JARID2: variants seen among roughly 807,000 people sequenced by gnomAD.
JARID2 encodes jumonji and AT-rich interaction domain containing 2.
JARID2 carries 21 observed loss-of-function variants against 125.6 expected under a neutral mutation model. The ratio of observed to expected loss-of-function variants is 0.17; its 90% CI spans 0.12 to 0.24. The LOEUF (loss-of-function observed/expected upper bound fraction) is 0.24. JARID2 is among the 10% of genes least tolerant of loss of function. The pLI is 1.00. For missense variants in JARID2, 1,303 were observed against 1,639.6 expected (o/e 0.79, Z 3.55); for synonymous variants, 736 against 661.6 (o/e 1.11, Z -1.73).
At chr6:15,316,471 G>T (rs1762183108) in intron 1 of JARID2, among the ~76,000 whole-genome samples, 2 of 152,158 alleles carry the variant, frequency 1.3e-5, no homozygotes. Flanking sequence ...ATCATTGTGA[G>T]GTTTGTGGCT....
At chr6:15,513,105 C>A in intron 15 of JARID2, 60 bp downstream of exon 15, 2 of 1,605,750 alleles carry the variant, frequency 1.2e-6, no homozygotes, top group Non-Finnish European at 8.5e-7. Context: ...CGGGGGCTCA[C>A]CCCCCGAGCA....
chr6:15,307,854 C>A (rs1761889282), intron 1 of JARID2, among the ~76,000 whole-genome samples: 1 of 152,206 alleles, frequency 6.6e-6, no homozygotes, highest in African/African-American at 2.4e-5. Flanking sequence ...TTGCAGAGTT[C>A]ATTCTCATGC....
intron 1 of JARID2, among the ~76,000 whole-genome samples, chr6:15,349,425 G>A (rs530589146): frequency 2.0e-5 from 3 of 152,270 alleles, no homozygotes; most frequent in African/African-American, 7.2e-5. Context: ...TGACTTGGAC[G>A]TTTTCAGAAG....
At position 15,501,427 on chromosome 6, in the gene JARID2, G is replaced by T; in HGVS notation, c.2448+18G>T. On this transcript the variant is annotated intron_variant, in intron 8 of 17. Transcript: ENST00000341776. ...TCTATAAGGTAGGGGCCTCCGCAGA[G>T]CAGCCACTCCCAGCTGCAGGAGTGC... 6.6e-7 allele frequency: 1 copy of T among 1,516,142 alleles called. No individual in the cohort carries two copies. Among genetic ancestry groups the T allele is most frequent in the Non-Finnish European group, 8.8e-7 (1 of 1,135,482 alleles). The allele number at this position is 1,516,142 out of a possible 1,614,324, so 93.9% of individuals were successfully genotyped here.
intron 1 of JARID2, among the ~76,000 whole-genome samples, chr6:15,328,056 C>A (rs1762590289): frequency 3.3e-5 from 5 of 152,108 alleles, no homozygotes; most frequent in Non-Finnish European, 7.3e-5. Flanking sequence ...AGGCCCAGGA[C>A]ATGTAGCTGT....
intron 3 of JARID2, among the ~76,000 whole-genome samples, chr6:15,410,626 G>A (rs1411242812): frequency 6.6e-6 from 1 of 152,228 alleles, no homozygotes; most frequent in Non-Finnish European, 1.5e-5. Flanking sequence ...TTGCCAGCTT[G>A]TAATGCCTGT....
At chr6:15,345,825 T>TC (rs763972521) in intron 1 of JARID2, among the ~76,000 whole-genome samples, 16 of 152,180 alleles carry the variant, frequency 1.1e-4, no homozygotes, top group Non-Finnish European at 1.5e-5. Context: ...TGTTACTGGG[T>TC]CATTGAGCCT....
intron 3 of JARID2, among the ~76,000 whole-genome samples, chr6:15,422,579 C>T (rs1766546759): frequency 6.6e-6 from 1 of 152,178 alleles, no homozygotes; most frequent in African/African-American, 2.4e-5. Flanking sequence ...TTCCCTGCAG[C>T]AAAAACCCTT....
chr6:15,488,754 G>C (rs182693023), intron 6 of JARID2, among the ~76,000 whole-genome samples: 4 of 152,130 alleles, frequency 2.6e-5, no homozygotes, highest in South Asian at 2.1e-4. Context: ...ATGCAGTTGG[G>C]GGGGTGGGCA....
chr6:15,515,483 A>G (rs1771500895), intron 16 of JARID2, among the ~76,000 whole-genome samples: 1 of 152,144 alleles, frequency 6.6e-6, no homozygotes, highest in South Asian at 2.1e-4. Context: ...TGTCAGCCTG[A>G]AAGTTATTTT....
chr6:15,489,026 G>A (rs1770018980), intron 6 of JARID2, among the ~76,000 whole-genome samples: 1 of 152,188 alleles, frequency 6.6e-6, no homozygotes, highest in Non-Finnish European at 1.5e-5. Flanking sequence ...TCCCAATGCT[G>A]TTGGTCTGAT....
chr6:15,293,643 T>TGACCTCCTAA (rs1761305737), intron 1 of JARID2, among the ~76,000 whole-genome samples: 1 of 152,238 alleles, frequency 6.6e-6, no homozygotes, highest in Admixed American at 6.5e-5. Flanking sequence ...CAGGCAGACT[T>TGACCTCCTAA]GACCTCTCTT....
At chr6:15,289,951 G>A (rs778991595) in intron 1 of JARID2, among the ~76,000 whole-genome samples, 1 of 152,198 alleles carries the variant, frequency 6.6e-6, no homozygotes, top group Non-Finnish European at 1.5e-5. Flanking sequence ...TTGTCTTCAT[G>A]GAAAGAAGGA....
At chr6:15,357,224 T>A (rs183540455) in intron 1 of JARID2, among the ~76,000 whole-genome samples, 1 of 152,324 alleles carries the variant, frequency 6.6e-6, no homozygotes, top group African/African-American at 2.4e-5. Context: ...CTTCATGAAG[T>A]ACGCTGAATA....
At chr6:15,433,657 A>C (rs571559704) in intron 3 of JARID2, among the ~76,000 whole-genome samples, 1 of 152,160 alleles carries the variant, frequency 6.6e-6, no homozygotes, top group African/African-American at 2.4e-5. Context: ...GTTGCAATAC[A>C]TGGTGCTTCC....
chr6:15,246,307 G>C lies in JARID2; in HGVS notation c.-233G>C. Reference sequence around the variant, plus strand: ...TTTCCATTATGAGTGTTTTACTAAAGTGAATTTTTTTTTGTTTGCTTCGTT... The same window carrying C: ...TTTCCATTATGAGTGTTTTACTAAACTGAATTTTTTTTTGTTTGCTTCGTT... On this transcript the variant is annotated 5_prime_UTR_variant, in exon 1 of 18. Coordinates refer to ENST00000341776, the MANE Select transcript of JARID2 (RefSeq NM_004973.4). The C allele has an allele frequency of 1.8e-6, 1 of 557,440 alleles. No individual in the cohort carries two copies. The highest frequency in any genetic ancestry group is 2.2e-5 in the South Asian group (1 of 45,052). The allele number at this position is 557,440 out of a possible 1,614,324, so 34.5% of individuals were successfully genotyped here.
chr6:15,358,923 A>G (rs528017730), intron 1 of JARID2, among the ~76,000 whole-genome samples: 1 of 152,326 alleles, frequency 6.6e-6, no homozygotes, highest in East Asian at 1.9e-4. Context: ...CCATACCCCA[A>G]CCAGTTAAGT....
At chr6:15,291,431 A>G (rs1761210353) in intron 1 of JARID2, among the ~76,000 whole-genome samples, 1 of 152,196 alleles carries the variant, frequency 6.6e-6, no homozygotes, top group Non-Finnish European at 1.5e-5. Flanking sequence ...TTAGGGGCAC[A>G]ATCTGTTTTC....
In JARID2 at chr6:15,520,345, C is replaced by A; in HGVS notation, c.*94C>A. The A allele has an allele frequency of 1.1e-6, 1 of 918,524 alleles. No homozygotes were observed. The highest frequency in any genetic ancestry group is 1.6e-6 in the Non-Finnish European group (1 of 641,952). The allele number at this position is 918,524 out of a possible 1,614,324, so 56.9% of individuals were successfully genotyped here. A position where few individuals can be genotyped will look rare whatever the true frequency, so the allele number is the denominator to read the frequency against. On this transcript the variant is annotated 3_prime_UTR_variant, in exon 18 of 18. Coordinates refer to ENST00000341776, the MANE Select transcript of JARID2 (RefSeq NM_004973.4). ...TGCTGTAGGATTCAAGCTGTCTTTG[C>A]ACTAGCTCTAAAGAAGATTTTCTTC...
Sources: gnomAD v4.1 joint callset for allele counts (sites outside exome capture counted in the v4.1 genomes callset) on GRCh38, gnomAD v4.1.1 for gene constraint, MANE v1.5 for transcripts, NCBI Gene and HGNC (gene_info 2026-07-23, HGNC 2026-07-21) for gene names.